FOXN2: variants seen among roughly 807,000 people sequenced by gnomAD.
FOXN2 encodes forkhead box N2.
A neutral mutation model predicts 41.2 loss-of-function variants in FOXN2; 19 were observed. The ratio of observed to expected loss-of-function variants is 0.46; its 90% CI spans 0.32 to 0.68. The LOEUF (loss-of-function observed/expected upper bound fraction) is 0.68. Among genes scored for constraint, FOXN2 ranks in the 30% least tolerant of loss-of-function variants. The pLI is 0.03. For missense variants in FOXN2, 587 were observed against 509.4 expected, an observed-to-expected ratio of 1.15 and a Z score of -1.47; for synonymous variants, 195 against 176.8, an observed-to-expected ratio of 1.10 and a Z score of -0.82.
chr2:48,357,106 T>G (rs985155683), intron 3 of FOXN2, among the ~76,000 whole-genome samples: 9 of 152,212 alleles, frequency 5.9e-5, no homozygotes, highest in Non-Finnish European at 1.3e-4. Flanking sequence ...GAGTTTTATC[T>G]CTTGTTCATG....
At chr2:48,344,854 A>T (rs990692945) in intron 2 of FOXN2, among the ~76,000 whole-genome samples, 2 of 108,236 alleles carry the variant, frequency 1.8e-5, no homozygotes, top group African/African-American at 6.9e-5. Context: ...CCCCCCCCCA[A>T]TTATTTCAGT....
chr2:48,362,426 A>G (rs1672250073), intron 4 of FOXN2, among the ~76,000 whole-genome samples: 1 of 152,090 alleles, frequency 6.6e-6, no homozygotes, highest in African/African-American at 2.4e-5. Flanking sequence ...AAAATTAGCC[A>G]CACATGGTAG....
intron 2 of FOXN2, among the ~76,000 whole-genome samples, chr2:48,337,321 G>A (rs1194283070): frequency 1.3e-5 from 2 of 148,856 alleles, no homozygotes; most frequent in Non-Finnish European, 3.0e-5. Flanking sequence ...GTGAGACGGA[G>A]TTGTCTCCCT....
intron 5 of FOXN2, among the ~76,000 whole-genome samples, chr2:48,371,231 C>G (rs754446093): frequency 1.3e-5 from 2 of 152,094 alleles, no homozygotes; most frequent in African/African-American, 4.8e-5. Context: ...AATTCCATCT[C>G]TACTAAAAAC....
chr2:48,330,907 A>G (rs1359656194), intron 2 of FOXN2, among the ~76,000 whole-genome samples: 1 of 152,136 alleles, frequency 6.6e-6, no homozygotes, highest in African/African-American at 2.4e-5. Context: ...ATGCTGCCAT[A>G]TAGTTTGAGG....
chr2:48,320,852 C>T (rs1403230538), intron 1 of FOXN2, among the ~76,000 whole-genome samples: 1 of 152,134 alleles, frequency 6.6e-6, no homozygotes, highest in Non-Finnish European at 1.5e-5. Context: ...TACTCTGTGG[C>T]AGGAATGTTG....
At chr2:48,363,742 C>T (rs1429833002) in intron 5 of FOXN2, among the ~76,000 whole-genome samples, 2 of 152,086 alleles carry the variant, frequency 1.3e-5, no homozygotes, top group Admixed American at 6.5e-5. Context: ...ATACAATTAC[C>T]TATAGTATTC....
intron 3 of FOXN2, among the ~76,000 whole-genome samples, chr2:48,352,586 G>C (rs549594464): frequency 6.6e-6 from 1 of 152,120 alleles, no homozygotes; most frequent in African/African-American, 2.4e-5. Context: ...AAGCCCAGAC[G>C]TAAATTTGCA....
chr2:48,315,744 C>T (rs1396624293), intron 1 of FOXN2, among the ~76,000 whole-genome samples: 5 of 152,218 alleles, frequency 3.3e-5, no homozygotes, highest in Non-Finnish European at 5.9e-5. Context: ...TTGCAAAATG[C>T]CTCTTTTTCC....
intron 1 of FOXN2, among the ~76,000 whole-genome samples, chr2:48,324,768 A>G (rs1036499159): frequency 6.6e-6 from 1 of 152,188 alleles, no homozygotes; most frequent in Non-Finnish European, 1.5e-5. Context: ...GTGTTTATGA[A>G]GTGATCTCAT....
intron 1 of FOXN2, among the ~76,000 whole-genome samples, chr2:48,322,342 C>T (rs919264017): frequency 6.6e-6 from 1 of 151,962 alleles, no homozygotes; most frequent in South Asian, 2.1e-4. Flanking sequence ...CCACACAAAA[C>T]AAATGTGTAA....
chr2:48,367,389 CAG>C (rs1370729342), intron 5 of FOXN2, among the ~76,000 whole-genome samples: 1 of 152,106 alleles, frequency 6.6e-6, no homozygotes, highest in Non-Finnish European at 1.5e-5. Context: ...ATACTACAAA[CAG>C]ATATAAAATT....
chr2:48,359,434 C>T (rs554874657), intron 4 of FOXN2, among the ~76,000 whole-genome samples: 2 of 152,152 alleles, frequency 1.3e-5, no homozygotes, highest in African/African-American at 4.8e-5. Flanking sequence ...GCTAGGACTA[C>T]AGGCAAGCAC....
chr2:48,355,384 A>T (rs1325739785), intron 3 of FOXN2, among the ~76,000 whole-genome samples: 1 of 152,172 alleles, frequency 6.6e-6, no homozygotes, highest in Non-Finnish European at 1.5e-5. Context: ...AGGGATAAAT[A>T]TAGAAATGGT....
chr2:48,357,195 A>G (rs1330542695), intron 3 of FOXN2, among the ~76,000 whole-genome samples: 2 of 152,212 alleles, frequency 1.3e-5, no homozygotes, highest in Admixed American at 1.3e-4. Context: ...ACCATACTCA[A>G]GATACTTAAC....
intron 3 of FOXN2, among the ~76,000 whole-genome samples, chr2:48,358,752 G>A (rs1240836795): frequency 5.9e-5 from 9 of 152,242 alleles, no homozygotes; most frequent in South Asian, 2.1e-4. Context: ...TAATGTAGTC[G>A]TAAAGGTAAT....
At chr2:48,342,454 T>C (rs553381730) in intron 2 of FOXN2, among the ~76,000 whole-genome samples, 1 of 152,272 alleles carries the variant, frequency 6.6e-6, no homozygotes, top group Admixed American at 6.5e-5. Context: ...TTTGGAATTG[T>C]TGGGTCAAAG....
chr2:48,344,313 T>C (rs1304008500), intron 2 of FOXN2, among the ~76,000 whole-genome samples: 5 of 152,238 alleles, frequency 3.3e-5, no homozygotes, highest in Non-Finnish European at 1.5e-5. Flanking sequence ...TTTCAAGTTA[T>C]GGGTGCACAG....
chr2:48,358,980 T>TTTA, intron 3 of FOXN2, 67 bp from the exon 4 acceptor site: 1 of 1,247,144 alleles, frequency 8.0e-7, no homozygotes. Flanking sequence ...CACATTTATT[T>TTTA]AAAACATTTA....
Sources: gnomAD v4.1 joint callset for allele counts (sites outside exome capture counted in the v4.1 genomes callset) on GRCh38, gnomAD v4.1.1 for gene constraint, MANE v1.5 for transcripts, NCBI Gene and HGNC (gene_info 2026-07-23, HGNC 2026-07-21) for gene names.